The following AGBL4 variants were observed in gnomAD, a reference collection of about 807,000 sequenced individuals.
AGBL4 encodes cytosolic carboxypeptidase 6.
AGBL4 carries 58 observed loss-of-function variants against 66.4 expected under a neutral mutation model. The ratio of observed to expected loss-of-function variants is 0.87; its 90% CI spans 0.71 to 1.09. AGBL4 has a LOEUF of 1.09. Ranked by LOEUF, AGBL4 falls within the 50% of genes least tolerant of loss-of-function variation. AGBL4 has a pLI of 0.00. For missense variants in AGBL4, 579 were observed against 631.0 expected (o/e 0.92, Z 0.88); for synonymous variants, 234 against 222.9 (o/e 1.05, Z -0.44).
At chr1:49,257,307 G>C (rs1000052859) in intron 3 of AGBL4, 4 of 152,358 alleles carry the variant, frequency 2.6e-5, no homozygotes, top group African/African-American at 4.8e-5. Context: ...GCCTCCTTGA[G>C]CTGTGCTGGG....
intron 3 of AGBL4, among the ~76,000 whole-genome samples, chr1:49,685,767 T>C (rs142660938): frequency 6.6e-6 from 1 of 152,326 alleles, no homozygotes; most frequent in Non-Finnish European, 1.5e-5. Flanking sequence ...TGTTGATTTG[T>C]TTAAGTTCCT....
In AGBL4 at chr1:49,481,409, G is replaced by A. The variant is rs186464534; in HGVS notation, c.282+215904C>T. On this transcript the variant is annotated intron_variant, in intron 3 of 13. Transcript: ENST00000371839. ...GGCAGTTGTGATTGGAAGTTCATTC[G>A]TGATTTGGCTCTTGGCTTGACTGTT... is the stretch of plus-strand genomic sequence containing the variant. Among the ~76,000 whole-genome samples, 80 of 152,034 alleles carry A rather than the reference G, an allele frequency of 5.3e-4. 1 individual carries two copies. Among genetic ancestry groups the A allele is most frequent in the African/African-American group, 1.6e-3 (66 of 41,502 alleles).
intron 2 of AGBL4, among the ~76,000 whole-genome samples, chr1:49,836,115 T>C (rs1360607189): frequency 6.6e-6 from 1 of 152,196 alleles, no homozygotes; most frequent in Non-Finnish European, 1.5e-5. Flanking sequence ...CTAATTTGAA[T>C]ACTGGCCTGT....
intron 3 of AGBL4, among the ~76,000 whole-genome samples, chr1:49,278,615 C>A (rs2148400052): frequency 6.6e-6 from 1 of 152,130 alleles, no homozygotes; most frequent in African/African-American, 2.4e-5. Context: ...TATTTATGAG[C>A]TATTAATAGG....
At chr1:50,020,372 C>T (rs561790626) in intron 1 of AGBL4, among the ~76,000 whole-genome samples, 1 of 152,198 alleles carries the variant, frequency 6.6e-6, no homozygotes, top group South Asian at 2.1e-4. Flanking sequence ...TATATGATCT[C>T]TAATATTCAC....
intron 4 of AGBL4, among the ~76,000 whole-genome samples, chr1:49,151,294 A>ATATG (rs1224450610): frequency 2.0e-5 from 3 of 149,320 alleles, no homozygotes; most frequent in Non-Finnish European, 3.0e-5. Context: ...ATATATATAT[A>ATATG]TATATGTATA....
intron 3 of AGBL4, among the ~76,000 whole-genome samples, chr1:49,391,350 G>T (rs1644841266): frequency 1.3e-5 from 2 of 152,134 alleles, no homozygotes. Flanking sequence ...GTTTACTATT[G>T]TGTGGAGTAT....
chr1:49,416,620 A>C (rs930249427), intron 3 of AGBL4, among the ~76,000 whole-genome samples: 2 of 152,146 alleles, frequency 1.3e-5, no homozygotes, highest in African/African-American at 4.8e-5. Flanking sequence ...CTAGTTATTT[A>C]ATGTGATACT....
chr1:48,802,456 G>A (rs1645832291), intron 6 of AGBL4, among the ~76,000 whole-genome samples: 1 of 152,096 alleles, frequency 6.6e-6, no homozygotes, highest in Non-Finnish European at 1.5e-5. Flanking sequence ...TCTGGGGACA[G>A]AAATTGCATT....
At chr1:49,123,107 C>A (rs1645692890) in intron 4 of AGBL4, among the ~76,000 whole-genome samples, 1 of 152,164 alleles carries the variant, frequency 6.6e-6, no homozygotes, top group Non-Finnish European at 1.5e-5. Context: ...CCCGCCTTGG[C>A]CTCCCAAAGC....
intron 5 of AGBL4, among the ~76,000 whole-genome samples, chr1:48,939,743 G>C (rs1353269624): frequency 6.6e-6 from 1 of 152,182 alleles, no homozygotes. Context: ...CTGCCCTTCA[G>C]GTTTGCTCTC....
At chr1:48,779,888 A>G (rs976461539) in intron 6 of AGBL4, among the ~76,000 whole-genome samples, 8 of 151,682 alleles carry the variant, frequency 5.3e-5, no homozygotes, top group African/African-American at 1.9e-4. Context: ...TAATTTTTGT[A>G]TTTTTAGTAG....
chr1:49,272,810 A>C (rs1479591741), intron 3 of AGBL4, among the ~76,000 whole-genome samples: 2 of 152,212 alleles, frequency 1.3e-5, no homozygotes, highest in East Asian at 3.8e-4. Flanking sequence ...TTGACTTATA[A>C]ATAAATACTC....
intron 6 of AGBL4, chr1:48,727,550 G>T: frequency 6.0e-6 from 1 of 167,556 alleles, no homozygotes; most frequent in Non-Finnish European, 1.3e-5. Flanking sequence ...ATTTATTATA[G>T]AACAAAATAG....
intron 4 of AGBL4, among the ~76,000 whole-genome samples, chr1:49,160,128 TGGA>T (rs1646512779): frequency 1.3e-5 from 2 of 152,202 alleles, no homozygotes; most frequent in Non-Finnish European, 2.9e-5. Context: ...TGTGATACTT[TGGA>T]GGAGAAGAGA....
intron 4 of AGBL4, among the ~76,000 whole-genome samples, chr1:49,223,121 C>T (rs942630472): frequency 6.6e-6 from 1 of 152,106 alleles, no homozygotes; most frequent in Non-Finnish European, 1.5e-5. Flanking sequence ...CCTGGGCCTT[C>T]AGACTCAGGA....
At chr1:49,324,012 A>G (rs1645179390) in intron 3 of AGBL4, among the ~76,000 whole-genome samples, 1 of 152,228 alleles carries the variant, frequency 6.6e-6, no homozygotes, top group Non-Finnish European at 1.5e-5. Context: ...CCCAATAACT[A>G]ACACAGTGCC....
At chr1:48,777,317 T>C (rs933085421) in intron 6 of AGBL4, among the ~76,000 whole-genome samples, 5 of 151,452 alleles carry the variant, frequency 3.3e-5, no homozygotes, top group Admixed American at 6.6e-5. Flanking sequence ...AGTGTATGAG[T>C]GAGTGAATGC....
At chr1:49,224,258 T>C (rs752273166) in intron 4 of AGBL4, among the ~76,000 whole-genome samples, 9 of 151,870 alleles carry the variant, frequency 5.9e-5, no homozygotes, top group East Asian at 1.9e-4. Context: ...TAGAAGAAAA[T>C]TGGAAGAAAC....
Sources: allele counts gnomAD v4.1 joint callset (sites outside exome capture counted in the v4.1 genomes callset), GRCh38; gene constraint gnomAD v4.1.1; transcripts MANE v1.5; gene names NCBI Gene and HGNC (gene_info 2026-07-23, HGNC 2026-07-21).